Variants in ARB2A observed in about 807,000 individuals in gnomAD.
ARB2A encodes ARB2 cotranscriptional regulator A, also known as cotranscriptional regulator ARB2A.
At chr5:93,912,132 A>C in the ARB2A span, among the ~76,000 whole-genome samples, 1 of 151,734 alleles carries the variant, frequency 6.6e-6, no homozygotes, top group East Asian at 1.9e-4. Context: ...TTATTGTCAG[A>C]GGATTAATTG....
At chr5:93,673,162 T>G in the ARB2A span, among the ~76,000 whole-genome samples, 1 of 152,206 alleles carries the variant, frequency 6.6e-6, no homozygotes, top group Non-Finnish European at 1.5e-5. Context: ...GCCAACAGAA[T>G]CTACATTTCA....
At chr5:93,825,861 G>A in the ARB2A span, among the ~76,000 whole-genome samples, 1 of 150,936 alleles carries the variant, frequency 6.6e-6, no homozygotes, top group Non-Finnish European at 1.5e-5. Context: ...TTATTTATAA[G>A]ATTTTAAGTA....
At chr5:93,833,274 C>T in the ARB2A span, among the ~76,000 whole-genome samples, 4 of 152,222 alleles carry the variant, frequency 2.6e-5, no homozygotes, top group African/African-American at 4.8e-5. Context: ...GGCAATGATA[C>T]TGTGGACAAA....
the ARB2A span, among the ~76,000 whole-genome samples, chr5:93,937,568 C>T: frequency 5.9e-4 from 90 of 151,800 alleles, no homozygotes; most frequent in African/African-American, 1.7e-3. Flanking sequence ...GCCGAGATTG[C>T]GCCACTGCAC....
chr5:94,056,396 T>C, the ARB2A span, among the ~76,000 whole-genome samples: 1 of 152,144 alleles, frequency 6.6e-6, no homozygotes, highest in Non-Finnish European at 1.5e-5. Context: ...TGTCAGAAAT[T>C]ATTTTTCTGC....
chr5:93,961,379 A>G, the ARB2A span, among the ~76,000 whole-genome samples: 2 of 152,216 alleles, frequency 1.3e-5, no homozygotes, highest in East Asian at 3.8e-4. Context: ...TTTGAAGTCC[A>G]CAGTAATCAC....
the ARB2A span, among the ~76,000 whole-genome samples, chr5:93,956,180 CT>C: frequency 6.6e-6 from 1 of 152,134 alleles, no homozygotes; most frequent in Non-Finnish European, 1.5e-5. Context: ...TAATAAAGTC[CT>C]GAAGTATCTA....
At chr5:93,779,700 A>C in the ARB2A span, among the ~76,000 whole-genome samples, 3 of 152,202 alleles carry the variant, frequency 2.0e-5, no homozygotes, top group Admixed American at 1.3e-4. Flanking sequence ...TCGCATGACT[A>C]ATGTTTCTCT....
the ARB2A span, among the ~76,000 whole-genome samples, chr5:94,080,495 C>T: frequency 6.6e-6 from 1 of 152,144 alleles, no homozygotes; most frequent in South Asian, 2.1e-4. Flanking sequence ...ATATAATATG[C>T]ATGTGAACCA....
chr5:93,852,821 T>C, the ARB2A span, among the ~76,000 whole-genome samples: 24 of 152,194 alleles, frequency 1.6e-4, no homozygotes, highest in Non-Finnish European at 1.0e-4. Flanking sequence ...TAGTTCTCTG[T>C]TTTGGTACCA....
At chr5:93,745,347 T>C in the ARB2A span, among the ~76,000 whole-genome samples, 1 of 152,232 alleles carries the variant, frequency 6.6e-6, no homozygotes, top group Non-Finnish European at 1.5e-5. Context: ...TATGTTTTAG[T>C]TCTCCAGCTA....
the ARB2A span, among the ~76,000 whole-genome samples, chr5:93,953,124 T>C: frequency 6.6e-6 from 1 of 152,224 alleles, no homozygotes; most frequent in African/African-American, 2.4e-5. Context: ...AGGTCATATA[T>C]CTCTGTTTCT....
chr5:93,645,582 A>G, the ARB2A span, among the ~76,000 whole-genome samples: 1 of 151,938 alleles, frequency 6.6e-6, no homozygotes, highest in Non-Finnish European at 1.5e-5. Flanking sequence ...CAAAGAAAAA[A>G]AAAAAAAAAG....
At chr5:93,780,796 T>A in the ARB2A span, among the ~76,000 whole-genome samples, 1 of 152,154 alleles carries the variant, frequency 6.6e-6, no homozygotes, top group Non-Finnish European at 1.5e-5. Context: ...TGACCTCAGA[T>A]GATCCACCTG....
chr5:93,793,031 G>A, the ARB2A span, among the ~76,000 whole-genome samples: 13 of 151,714 alleles, frequency 8.6e-5, no homozygotes, highest in South Asian at 8.3e-4. Flanking sequence ...AGTGACCCAC[G>A]CATACCACAT....
chr5:93,621,229 T>TGCCCC, the ARB2A span: 2 of 1,058,212 alleles, frequency 1.9e-6, no homozygotes, highest in Non-Finnish European at 2.4e-6. Flanking sequence ...GACCACCCGG[T>TGCCCC]CCCGCCCCTC....
At chr5:93,854,004 A>G in the ARB2A span, among the ~76,000 whole-genome samples, 48,107 of 151,832 alleles carry the variant, frequency 0.32, 8,030 homozygotes, top group South Asian at 0.52. Flanking sequence ...CTCTTTTTCT[A>G]TTGATTGGAG....
At chr5:93,898,832 T>A in the ARB2A span, among the ~76,000 whole-genome samples, 1 of 152,084 alleles carries the variant, frequency 6.6e-6, no homozygotes, top group Non-Finnish European at 1.5e-5. Flanking sequence ...AGCTAGCACT[T>A]ACTGATTGCT....
At chr5:94,100,912 G>A in the ARB2A span, among the ~76,000 whole-genome samples, 9 of 152,212 alleles carry the variant, frequency 5.9e-5, no homozygotes, top group African/African-American at 2.2e-4. Context: ...AAAAGCAATC[G>A]CAACAAAAGC....
Sources: gnomAD v4.1 joint callset for allele counts (sites outside exome capture counted in the v4.1 genomes callset) on GRCh38, gnomAD v4.1.1 for gene constraint, MANE v1.5 for transcripts, NCBI Gene and HGNC (gene_info 2026-07-23, HGNC 2026-07-21) for gene names.